ELOVL6: variants seen among roughly 807,000 people sequenced by gnomAD.
ELOVL6 encodes the protein ELOVL fatty acid elongase 6, also known as very long chain fatty acid elongase 6.
ELOVL6 carries 8 observed loss-of-function variants against 31.7 expected under a neutral mutation model. The observed-to-expected ratio is 0.25, with a 90% CI of 0.15 to 0.45. The LOEUF is 0.45. ELOVL6 is among the 20% of genes least tolerant of loss of function. The probability of loss-of-function intolerance (pLI) is 1.00; values close to 1 mark genes in which losing one functional copy is unlikely to be tolerated. For synonymous variants in ELOVL6, 101 were observed against 117.7 expected (o/e 0.86, Z 0.92); for missense variants, 126 against 326.4 (o/e 0.39, Z 4.73).
At chr4:110,057,587 A>G (rs1467673343) in intron 3 of ELOVL6, among the ~76,000 whole-genome samples, 1 of 152,132 alleles carries the variant, frequency 6.6e-6, no homozygotes, top group Non-Finnish European at 1.5e-5. Flanking sequence ...ACAGTGGCTC[A>G]TGCCTATAAT....
rs1354151535 is a variant in ELOVL6, at chr4:110,047,409, G to A, written c.*3929C>T. ...GTGTGACACACACCGTGGTCTCTGA[G>A]TAGAGGCTGTACTATCAGAATAAAG... On this transcript the variant is annotated 3_prime_UTR_variant, in exon 4 of 4. Transcript: ENST00000302274. 1 of 151,426 alleles carries A rather than the reference G, an allele frequency of 6.6e-6. No individual in the cohort carries two copies. Among genetic ancestry groups the A allele is most frequent in the Non-Finnish European group, 1.5e-5 (1 of 67,954 alleles). 9.4% of individuals were successfully genotyped at this position (151,426 alleles called of 1,614,324 possible).
chr4:110,115,790 C>G (rs1307185547), intron 1 of ELOVL6, among the ~76,000 whole-genome samples: 2 of 152,172 alleles, frequency 1.3e-5, no homozygotes, highest in African/African-American at 4.8e-5. Flanking sequence ...TCTTACAGTT[C>G]TGGAAGTTAG....
chr4:110,063,561 G>C (rs2126223889), intron 2 of ELOVL6, among the ~76,000 whole-genome samples: 1 of 151,598 alleles, frequency 6.6e-6, no homozygotes, highest in East Asian at 1.9e-4. Context: ...ACTTTCCATA[G>C]AAGGGCTTGA....
chr4:110,188,889 C>CAA (rs368964781), intron 1 of ELOVL6, among the ~76,000 whole-genome samples: 1,292 of 107,898 alleles, frequency 0.012, 10 homozygotes, highest in South Asian at 0.046. Flanking sequence ...AACTCGGTCT[C>CAA]AAAAAAAAAA....
intron 2 of ELOVL6, among the ~76,000 whole-genome samples, chr4:110,090,883 G>A (rs762885712): frequency 4.6e-5 from 7 of 152,194 alleles, no homozygotes; most frequent in Admixed American, 6.5e-5. Context: ...GATTACAGGC[G>A]TGAGCCACCA....
rs1273181936 is a variant in ELOVL6, at chr4:110,047,746, T to A, written c.*3592A>T. 6.6e-6 allele frequency: 1 copy of A among 151,840 alleles called. No individual in the cohort carries two copies. The highest frequency in any genetic ancestry group is 1.5e-5 in the Non-Finnish European group (1 of 68,020). 9.4% of individuals were successfully genotyped at this position (151,840 alleles called of 1,614,324 possible). ...CTCTACTAAAAATACAAAAATTAGC[T>A]GGGTGTGGTGGCGGGCGCCTGTAAC... On this transcript the variant is annotated 3_prime_UTR_variant, in exon 4 of 4. Transcript: ENST00000302274.
At chr4:110,120,707 T>C (rs1757322364) in intron 1 of ELOVL6, among the ~76,000 whole-genome samples, 1 of 152,158 alleles carries the variant, frequency 6.6e-6, no homozygotes, top group South Asian at 2.1e-4. Flanking sequence ...CACCGCTACA[T>C]TGTATACCAG....
chr4:110,054,150 T>C (rs1754911811), intron 3 of ELOVL6, among the ~76,000 whole-genome samples: 1 of 152,180 alleles, frequency 6.6e-6, no homozygotes, highest in South Asian at 2.1e-4. Context: ...TCAGTTGTTA[T>C]ATTTCTGAAC....
chr4:110,169,805 T>C (rs1398832156), intron 1 of ELOVL6, among the ~76,000 whole-genome samples: 2 of 148,170 alleles, frequency 1.3e-5, no homozygotes, highest in Non-Finnish European at 3.0e-5. Context: ...TTTTCTTTCT[T>C]TCTTTTTTTT....
chr4:110,084,428 T>TG lies in ELOVL6; in HGVS notation c.221+21068_221+21069insC, dbSNP rs1756139231. On this transcript the variant is annotated intron_variant, in intron 2 of 3. Transcript: ENST00000302274. The stretch of plus-strand genomic sequence containing the variant: ...TATATGACATACATGATATATCACA[T>TG]ATATCATATATGATATATCGCATAT... Among the ~76,000 whole-genome samples, 7 of 107,524 alleles carry TG rather than the reference T, an allele frequency of 6.5e-5. 1 individual carries two copies. The highest frequency in any genetic ancestry group is 2.8e-4 in the African/African-American group (7 of 24,798). The allele number at this position is 107,524 out of a possible 152,430, so 70.5% of individuals were successfully genotyped here. A position where few individuals can be genotyped will look rare whatever the true frequency, so the allele number is the denominator to read the frequency against.
At chr4:110,087,780 C>T (rs1278255160) in intron 2 of ELOVL6, among the ~76,000 whole-genome samples, 1 of 149,720 alleles carries the variant, frequency 6.7e-6, no homozygotes, top group African/African-American at 2.5e-5. Context: ...TTTTAAATAG[C>T]TCCTGTTACC....
chr4:110,140,081 C>T (rs1184766800), intron 1 of ELOVL6, among the ~76,000 whole-genome samples: 4 of 152,174 alleles, frequency 2.6e-5, no homozygotes, highest in Admixed American at 6.5e-5. Flanking sequence ...CTCAGGTTGC[C>T]GCTGGCTTTA....
At chr4:110,059,926 T>C (rs551731873) in intron 2 of ELOVL6, 172 bp from the exon 3 acceptor site, 113 of 580,718 alleles carry the variant, frequency 1.9e-4, no homozygotes, top group Non-Finnish European at 3.2e-4. Flanking sequence ...GCTAATACAA[T>C]GACTCAAGGG....
At chr4:110,093,223 G>T (rs1276465074) in intron 2 of ELOVL6, 2 of 310,576 alleles carry the variant, frequency 6.4e-6, no homozygotes, top group African/African-American at 4.4e-5. Flanking sequence ...TATGATAAAA[G>T]AATCTCAAGT....
At chr4:110,063,043 A>G (rs1026382017) in intron 2 of ELOVL6, among the ~76,000 whole-genome samples, 5 of 152,144 alleles carry the variant, frequency 3.3e-5, no homozygotes, top group African/African-American at 7.2e-5. Flanking sequence ...TTGTATTACT[A>G]TTATTGCTGA....
At chr4:110,096,203 TGAA>T (rs1756575699) in intron 2 of ELOVL6, among the ~76,000 whole-genome samples, 1 of 152,256 alleles carries the variant, frequency 6.6e-6, no homozygotes, top group African/African-American at 2.4e-5. Flanking sequence ...TTTTTGAGAG[TGAA>T]GAAGGAGCTA....
intron 2 of ELOVL6, among the ~76,000 whole-genome samples, chr4:110,102,084 C>T (rs2126244874): frequency 6.6e-6 from 1 of 152,272 alleles, no homozygotes; most frequent in Middle Eastern, 3.4e-3. Context: ...ATAGAGAAAT[C>T]TCAATATGTT....
chr4:110,116,339 A>C (rs1047924768), intron 1 of ELOVL6, among the ~76,000 whole-genome samples: 1 of 152,168 alleles, frequency 6.6e-6, no homozygotes, highest in Admixed American at 6.5e-5. Context: ...CACATGTTTC[A>C]TGTCTATTCC....
At chr4:110,140,461 C>T (rs1188659703) in intron 1 of ELOVL6, among the ~76,000 whole-genome samples, 2 of 151,990 alleles carry the variant, frequency 1.3e-5, no homozygotes, top group Admixed American at 6.6e-5. Flanking sequence ...TGGGGTCTTA[C>T]TCTGTCGCCC....
Sources: gnomAD v4.1 joint callset for allele counts (sites outside exome capture counted in the v4.1 genomes callset) on GRCh38, gnomAD v4.1.1 for gene constraint, MANE v1.5 for transcripts, NCBI Gene and HGNC (gene_info 2026-07-23, HGNC 2026-07-21) for gene names.